The following CIZ1 variants were observed in gnomAD, a reference collection of about 807,000 sequenced individuals.
The protein encoded by CIZ1 is cip1-interacting zinc finger protein.
Under a neutral mutation model 118.6 loss-of-function variants are expected in CIZ1, and 58 were observed. The ratio of observed to expected loss-of-function variants is 0.49; its 90% CI spans 0.40 to 0.61. CIZ1 has a LOEUF of 0.61. CIZ1 is among the 20% of genes least tolerant of loss of function. The pLI, the probability that CIZ1 is intolerant of heterozygous loss-of-function variation, is 0.00. For synonymous variants in CIZ1, 448 were observed against 443.4 expected (o/e 1.01, Z -0.13); for missense variants, 921 against 1,115.9 (o/e 0.83, Z 2.49).
At chr9:128,171,593 C>T (rs930234072) in intron 11 of CIZ1, among the ~76,000 whole-genome samples, 5 of 150,878 alleles carry the variant, frequency 3.3e-5, no homozygotes, top group South Asian at 4.2e-4. Context: ...AAAAATTAGC[C>T]GGGTGTGGTG....
At chr9:128,175,101 T>G (rs1830696754) in intron 11 of CIZ1, among the ~76,000 whole-genome samples, 1 of 152,256 alleles carries the variant, frequency 6.6e-6, no homozygotes. Context: ...AGTTTTCTTC[T>G]GTGTCACAAG....
intron 14 of CIZ1, chr9:128,167,488 GCTA>G: frequency 3.6e-6 from 1 of 281,046 alleles, no homozygotes; most frequent in Non-Finnish European, 6.7e-6. Context: ...GCCCTCTATG[GCTA>G]CACACATTTT....
chr9:128,196,829 CTT>C (rs1588282442), intron 1 of CIZ1: 1 of 152,124 alleles, frequency 6.6e-6, no homozygotes, highest in East Asian at 1.9e-4. Context: ...GTCTCGACCT[CTT>C]GACCTTGTGA....
chr9:128,185,523 C>CA, intron 5 of CIZ1, 24 bp downstream of exon 5: 11 of 1,447,988 alleles, frequency 7.6e-6, no homozygotes, highest in East Asian at 2.3e-5. Context: ...CTCCCGCCCA[C>CA]TCCCATCCCC....
At position 128,180,736 on chromosome 9, in the gene CIZ1, T is replaced by C; in HGVS notation, c.667A>G (p.Met223Val). ...EGSEEAAEPR[M>V]DTPEDQDLPP... The stretch of plus-strand genomic sequence containing the variant: ...CCTCCCTCACCTTCTGGTGTGTCCA[T>C]CCGGGGCTCTGCGGCTTCCTCAGAC... The change falls in exon 6 of 17, where the codon ATG becomes GTG. Residue 223 changes from methionine (M) to valine (V), a missense_variant. Physicochemically the swap from Met to Val is conservative, Grantham distance 21. Transcript: ENST00000372938. 1 of 1,608,414 alleles carries C rather than the reference T, an allele frequency of 6.2e-7. No individual in the cohort carries two copies. The highest frequency in any genetic ancestry group is 8.5e-7 in the Non-Finnish European group (1 of 1,177,836).
chr9:128,171,242 G>A (rs1376068181), intron 11 of CIZ1, among the ~76,000 whole-genome samples: 2 of 151,198 alleles, frequency 1.3e-5, no homozygotes, highest in African/African-American at 4.9e-5. Flanking sequence ...GACCAGCCTA[G>A]GCAACATAGT....
Position 128,191,514 on chromosome 9 carries a change from C to T in CIZ1, c.-88G>A. The T allele has an allele frequency of 2.0e-6, 2 of 1,007,674 alleles. No homozygotes were observed. The highest frequency in any genetic ancestry group is 2.4e-6 in the Non-Finnish European group (2 of 844,370). 62.4% of individuals were successfully genotyped at this position (1,007,674 alleles called of 1,614,324 possible). On this transcript the variant is annotated 5_prime_UTR_variant, in exon 1 of 17. Coordinates refer to ENST00000372938, the MANE Select transcript of CIZ1 (RefSeq NM_001131016.2). The surrounding 1 kb of genome is among the most constrained non-coding windows in gnomAD (Gnocchi z 5.5). ...CAGCCCCCACGCCTCGGCCGGGCGG[C>T]TCCGGCCCGCGGGCTCCCGGCCTCC...
chr9:128,177,528 G>GGGCCCC, intron 10 of CIZ1, 38 bp downstream of exon 10: 3 of 1,164,644 alleles, frequency 2.6e-6, no homozygotes, highest in Non-Finnish European at 1.2e-6. Context: ...TTCCACGCAG[G>GGGCCCC]CCCCACCCCT....
At chr9:128,186,085 T>C (rs1233709617) in intron 4 of CIZ1, among the ~76,000 whole-genome samples, 2 of 152,002 alleles carry the variant, frequency 1.3e-5, no homozygotes, top group Admixed American at 6.6e-5. Context: ...GGTGAGAGAC[T>C]TAGCACAGCC....
chr9:128,169,104 TC>T lies in CIZ1; in HGVS notation c.2242del (p.Glu748ArgfsTer19). ...GATCTCTTCTTCATCCTCATCATCCTCTTCCTCTTCTTCATCACCCTCGAAG... is the reference window on the plus strand; with the variant it reads ...GATCTCTTCTTCATCCTCATCATCCTTTCCTCTTCTTCATCACCCTCGAAG... The part of the protein sequence containing the change: ...GCFEGDEEEE[E>X]DDEDEEEIEV... On this transcript the variant is annotated frameshift_variant, in exon 14 of 17. Transcript: ENST00000372938. LOFTEE classifies it high-confidence loss of function. 2 of 1,614,084 alleles carry T rather than the reference TC, an allele frequency of 1.2e-6. No homozygotes were observed. The highest frequency in any genetic ancestry group is 1.1e-5 in the South Asian group (1 of 91,074).
In CIZ1 at chr9:128,166,283, T is replaced by C; in HGVS notation, c.2611A>G (p.Asn871Asp). 2.1e-6 allele frequency: 1 copy of C among 466,304 alleles called. No homozygotes were observed. The highest frequency in any genetic ancestry group is 4.1e-6 in the Non-Finnish European group (1 of 246,524). 28.9% of individuals were successfully genotyped at this position (466,304 alleles called of 1,614,324 possible). A position where few individuals can be genotyped will look rare whatever the true frequency, so the allele number is the denominator to read the frequency against. ...TSSGRPPSQPNTQDKTPSKVT... is the reference protein window; with the variant it reads ...TSSGRPPSQPDTQDKTPSKVT... ...TTGCTGGGTGTTTTGTCCTGGGTGT[T>C]GGGCTGGGAGGGTGGGCGGCCGCTG... The change falls in exon 17 of 17, where the codon AAC (asparagine) becomes GAC (aspartate). Residue 871 changes from asparagine to aspartate, a missense_variant. Transcript: ENST00000372938. The surrounding 1 kb of genome is among the most constrained non-coding windows in gnomAD (Gnocchi z 4.4).
At chr9:128,188,627 T>C (rs1441110936) in intron 3 of CIZ1, among the ~76,000 whole-genome samples, 1 of 151,848 alleles carries the variant, frequency 6.6e-6, no homozygotes, top group Non-Finnish European at 1.5e-5. Flanking sequence ...GTGTGAGTTA[T>C]TTTCCTTTTT....
At chr9:128,177,529 C>G in intron 10 of CIZ1, 37 bp downstream of exon 10, 16 of 1,090,544 alleles carry the variant, frequency 1.5e-5, no homozygotes, top group East Asian at 5.8e-5. Context: ...TCCACGCAGG[C>G]CCCACCCCTC....
At chr9:128,182,674 C>T (rs1174222555) in intron 5 of CIZ1, among the ~76,000 whole-genome samples, 1 of 152,200 alleles carries the variant, frequency 6.6e-6, no homozygotes, top group Non-Finnish European at 1.5e-5. Flanking sequence ...AAGCCCCAGG[C>T]CCGTCCCTGC....
At chr9:128,189,435 G>A (rs1016827732) in intron 3 of CIZ1, among the ~76,000 whole-genome samples, 1 of 152,120 alleles carries the variant, frequency 6.6e-6, no homozygotes, top group South Asian at 2.1e-4. Context: ...TGTAATCTTG[G>A]GCACATGACC....
intron 5 of CIZ1, 109 bp downstream of exon 5, chr9:128,185,438 T>G: frequency 1.7e-6 from 1 of 604,076 alleles, no homozygotes; most frequent in Non-Finnish European, 2.8e-6. Context: ...AACTGAGGCA[T>G]AAAGGGAGTG....
chr9:128,177,546 C>CAAAAAAAAG lies in CIZ1; in HGVS notation c.1818+19_1818+20insCTTTTTTTT. On this transcript the variant is annotated intron_variant, in intron 10 of 16. Coordinates refer to ENST00000372938, the MANE Select transcript of CIZ1 (RefSeq NM_001131016.2). ...CACGCAGGCCCCACCCCTCCCCACCCTTATCTCCTGTATCAGTACCTGCTG... is the reference window on the plus strand; with the variant it reads ...CACGCAGGCCCCACCCCTCCCCACCCAAAAAAAAGTTATCTCCTGTATCAGTACCTGCTG... 2 of 1,353,454 alleles carry CAAAAAAAAG rather than the reference C, an allele frequency of 1.5e-6. No homozygotes were observed. The highest frequency in any genetic ancestry group is 9.9e-7 in the Non-Finnish European group (1 of 1,013,752). 83.8% of individuals were successfully genotyped at this position (1,353,454 alleles called of 1,614,324 possible). A position where few individuals can be genotyped will look rare whatever the true frequency, so the allele number is the denominator to read the frequency against.
upstream of CIZ1, among the ~76,000 whole-genome samples, chr9:128,196,082 G>T (rs148865317): frequency 0.034 from 5,126 of 152,044 alleles, 279 homozygotes; most frequent in African/African-American, 0.12. Flanking sequence ...GTCCAGGCTG[G>T]TCTCGAACTC....
chr9:128,197,155 C>T (rs1003365945), intron 1 of CIZ1: 1 of 152,266 alleles, frequency 6.6e-6, no homozygotes, highest in Non-Finnish European at 1.5e-5. Flanking sequence ...TGGGACCCAG[C>T]TCAGAACCCT....
Sources: allele counts gnomAD v4.1 joint callset (sites outside exome capture counted in the v4.1 genomes callset), GRCh38; gene constraint gnomAD v4.1.1; non-coding constraint Gnocchi (gnomAD v3.1); transcripts MANE v1.5; gene names NCBI Gene and HGNC (gene_info 2026-07-23, HGNC 2026-07-21).